Variants in ITPR2 observed in about 807,000 individuals in gnomAD.
The protein encoded by ITPR2 is inositol 1,4,5-trisphosphate receptor type 2, also known as inositol 1,4,5-trisphosphate-gated calcium channel ITPR2.
A neutral mutation model predicts 317.1 loss-of-function variants in ITPR2; 207 were observed. The ratio of observed to expected loss-of-function variants is 0.65; its 90% CI spans 0.58 to 0.73. The LOEUF is 0.73. Ranked by LOEUF, ITPR2 falls within the 30% of genes least tolerant of loss-of-function variation. The pLI, the probability that ITPR2 is intolerant of heterozygous loss-of-function variation, is 0.00. For synonymous variants in ITPR2, 1,156 were observed against 1,149.1 expected (o/e 1.01, Z -0.12); for missense variants, 2,613 against 3,284.0 (o/e 0.80, Z 4.99).
intron 20 of ITPR2, among the ~76,000 whole-genome samples, chr12:26,654,426 ACTTAATAAATGGTTGCATCAATTAATTAC>A (rs1194512796): frequency 6.6e-6 from 1 of 152,234 alleles, no homozygotes. Context: ...GCAGGATGCC[ACTTAATAAATGGTTGCATCAATTAATTAC>A]CTTAATAAAT....
At chr12:26,391,555 C>CTTTTTTT (rs1491173931) in intron 54 of ITPR2, among the ~76,000 whole-genome samples, 732 of 70,834 alleles carry the variant, frequency 0.01, 164 homozygotes, top group African/African-American at 0.02. Flanking sequence ...TTCTTCTTTT[C>CTTTTTTT]CTTTTTTTTT....
At chr12:26,755,128 G>A (rs1592098749) in intron 2 of ITPR2, among the ~76,000 whole-genome samples, 1 of 152,158 alleles carries the variant, frequency 6.6e-6, no homozygotes. Context: ...CTTAGTGTAT[G>A]TTTTTAATAA....
intron 2 of ITPR2, among the ~76,000 whole-genome samples, chr12:26,735,251 C>T (rs548479684): frequency 6.6e-6 from 1 of 152,314 alleles, no homozygotes; most frequent in Admixed American, 6.5e-5. Context: ...ATCTGCCTGC[C>T]TTGGCCTCCC....
intron 34 of ITPR2, among the ~76,000 whole-genome samples, chr12:26,567,978 T>TTATATATATATATATTATATATATTATA (rs1945030915): frequency 3.7e-5 from 1 of 27,174 alleles, no homozygotes. Context: ...ATTATATATA[T>TTATATATATATATATTATATATATTATA]TATATATATA....
At chr12:26,447,345 T>C (rs144261954) in intron 45 of ITPR2, among the ~76,000 whole-genome samples, 1 of 152,234 alleles carries the variant, frequency 6.6e-6, no homozygotes, top group Admixed American at 6.5e-5. Flanking sequence ...AATATTTTAA[T>C]ATTTTTTCTT....
At chr12:26,500,069 TCACAAGTTC>T (rs1943035755) in intron 37 of ITPR2, among the ~76,000 whole-genome samples, 1 of 152,188 alleles carries the variant, frequency 6.6e-6, no homozygotes, top group South Asian at 2.1e-4. Context: ...TATTGCTACA[TCACAAGTTC>T]AGCAGAAACT....
intron 52 of ITPR2, among the ~76,000 whole-genome samples, chr12:26,402,520 C>T (rs1940210576): frequency 6.6e-6 from 1 of 152,218 alleles, no homozygotes; most frequent in Admixed American, 6.5e-5. Context: ...GTAAAATCCA[C>T]ACACAATTCA....
At chr12:26,644,328 C>T (rs1947061277) in intron 21 of ITPR2, among the ~76,000 whole-genome samples, 1 of 152,104 alleles carries the variant, frequency 6.6e-6, no homozygotes, top group African/African-American at 2.4e-5. Flanking sequence ...GCTGCCTCCA[C>T]CTGGATTTCA....
At chr12:26,500,577 G>A (rs1181910214) in intron 37 of ITPR2, among the ~76,000 whole-genome samples, 1 of 152,160 alleles carries the variant, frequency 6.6e-6, no homozygotes, top group Non-Finnish European at 1.5e-5. Flanking sequence ...TGTGCTAAAT[G>A]TAATGTAGCC....
intron 49 of ITPR2, among the ~76,000 whole-genome samples, chr12:26,424,267 T>C (rs956427534): frequency 6.6e-6 from 1 of 152,194 alleles, no homozygotes; most frequent in African/African-American, 2.4e-5. Context: ...TTCCTTTCAC[T>C]AATGAGAAGA....
rs1948892450 is a variant in ITPR2 at position 26,724,778 on chromosome 12, A to G, written c.280-36T>C. 2.1e-6 allele frequency: 3 copies of G among 1,462,168 alleles called. No individual in the cohort carries two copies. In the South Asian group the frequency reaches 3.5e-5, roughly 17 times the overall value. 90.6% of individuals were successfully genotyped at this position (1,462,168 alleles called of 1,614,324 possible). ...ATTATCAAATATTCAGTGTAGAAAT[A>G]TAGTAAACAGAGTGTAATAACTGAC... On this transcript the variant is annotated intron_variant, in intron 3 of 56. Transcript: ENST00000381340.
chr12:26,577,874 A>G (rs1179517634), intron 34 of ITPR2, among the ~76,000 whole-genome samples: 1 of 152,226 alleles, frequency 6.6e-6, no homozygotes, highest in Admixed American at 6.5e-5. Context: ...TGCATAACCT[A>G]TAAAACTCTC....
At chr12:26,391,514 T>C (rs1178263505) in intron 54 of ITPR2, among the ~76,000 whole-genome samples, 2 of 151,488 alleles carry the variant, frequency 1.3e-5, no homozygotes, top group Non-Finnish European at 2.9e-5. Flanking sequence ...CTAAGGCATC[T>C]GTATTTTATT....
rs184042784 is a variant in ITPR2, at chr12:26,575,036, G to A, written c.4630+3677C>T. Among the ~76,000 whole-genome samples the A allele has an allele frequency of 1.7e-4, 26 of 151,528 alleles. 1 individual carries two copies. The East Asian group carries it at 4.7e-3, about 27-fold the overall frequency. Reference sequence around the variant, plus strand: ...ATCACAGACACTAAGAAAGGCATACGTGGACGAATGGGGTGAGTTCAGATT... The same window carrying A: ...ATCACAGACACTAAGAAAGGCATACATGGACGAATGGGGTGAGTTCAGATT... On this transcript the variant is annotated intron_variant, in intron 34 of 56. Transcript: ENST00000381340.
chr12:26,525,390 G>A (rs969029476), intron 37 of ITPR2, among the ~76,000 whole-genome samples: 3 of 151,998 alleles, frequency 2.0e-5, no homozygotes, highest in African/African-American at 4.8e-5. Flanking sequence ...TTTCAAAAGC[G>A]CTCACCTAGA....
At chr12:26,386,176 G>A (rs925468522) in intron 55 of ITPR2, among the ~76,000 whole-genome samples, 1 of 152,130 alleles carries the variant, frequency 6.6e-6, no homozygotes, top group Non-Finnish European at 1.5e-5. Context: ...GATCAAGAAA[G>A]TATAAATGAT....
At chr12:26,740,968 A>G (rs1949219680) in intron 2 of ITPR2, among the ~76,000 whole-genome samples, 1 of 152,262 alleles carries the variant, frequency 6.6e-6, no homozygotes, top group South Asian at 2.1e-4. Context: ...ATGGGCCACC[A>G]TGATTCCACT....
intron 35 of ITPR2, among the ~76,000 whole-genome samples, chr12:26,556,594 G>GTT (rs1491150287): frequency 6.7e-5 from 10 of 149,712 alleles, no homozygotes; most frequent in South Asian, 4.2e-4. Flanking sequence ...GTGTGTGTGT[G>GTT]TTTTTGTTTA....
At chr12:26,404,130 G>T (rs1940270026) in intron 52 of ITPR2, among the ~76,000 whole-genome samples, 1 of 152,172 alleles carries the variant, frequency 6.6e-6, no homozygotes, top group African/African-American at 2.4e-5. Context: ...CAGGCATGAT[G>T]TTCTATGAGC....
Sources: allele counts gnomAD v4.1 joint callset (sites outside exome capture counted in the v4.1 genomes callset), GRCh38; gene constraint gnomAD v4.1.1; transcripts MANE v1.5; gene names NCBI Gene and HGNC (gene_info 2026-07-23, HGNC 2026-07-21).